Variants in PFKFB2 observed in about 807,000 individuals in gnomAD.
The protein encoded by PFKFB2 is 6-phosphofructo-2-kinase/fructose-2,6-biphosphatase 2.
A neutral mutation model predicts 68.0 loss-of-function variants in PFKFB2; 53 were observed. That is an observed-to-expected ratio of 0.78 (90% CI 0.63 to 0.98). The LOEUF (loss-of-function observed/expected upper bound fraction) is 0.98, where lower values mean the gene tolerates loss of function less well. Ranked by LOEUF, PFKFB2 falls within the 50% of genes least tolerant of loss-of-function variation. PFKFB2 has a pLI of 0.00. For synonymous variants in PFKFB2, 222 were observed against 227.6 expected, an observed-to-expected ratio of 0.98 and a Z score of 0.22; for missense variants, 451 against 642.0, an observed-to-expected ratio of 0.70 and a Z score of 3.22.
In PFKFB2 at chr1:207,070,689, A is replaced by C; in HGVS notation, c.1222+280A>C. On this transcript the variant is annotated intron_variant, in intron 12 of 14. Transcript: ENST00000367080. The surrounding 1 kb of genome is among the most constrained non-coding windows in gnomAD (Gnocchi z 4.2). ...TGCTGACACTCCTGGCAGCATCAGG[A>C]CAGTGGTTGAATATTCCCAGCCTGC... The C allele has an allele frequency of 2.7e-6, 1 of 376,374 alleles. No individual in the cohort carries two copies. Among genetic ancestry groups the C allele is most frequent in the Non-Finnish European group, 4.9e-6 (1 of 202,738 alleles). The allele number at this position is 376,374 out of a possible 1,614,324, so 23.3% of individuals were successfully genotyped here.
chr1:207,062,448 G>A, intron 3 of PFKFB2, 172 bp from the exon 4 acceptor site: 1 of 1,007,800 alleles, frequency 9.9e-7, no homozygotes, highest in Non-Finnish European at 1.5e-6. Flanking sequence ...GGTCTAGAAA[G>A]TCAGGGCTTG....
chr1:207,072,115 C>T, intron 14 of PFKFB2, 89 bp from the exon 15 acceptor site: 1 of 1,546,512 alleles, frequency 6.5e-7, no homozygotes, highest in Admixed American at 1.9e-5. Context: ...GTGAGGGAAG[C>T]TGTTGTGGTT....
intron 2 of PFKFB2, among the ~76,000 whole-genome samples, chr1:207,043,662 T>C (rs1055174008): frequency 6.6e-6 from 1 of 152,224 alleles, no homozygotes; most frequent in African/African-American, 2.4e-5. Context: ...AATGGGAATT[T>C]CAACCTTTCG....
chr1:207,058,060 C>T (rs903977562), intron 2 of PFKFB2, among the ~76,000 whole-genome samples: 3 of 152,188 alleles, frequency 2.0e-5, no homozygotes, highest in African/African-American at 7.2e-5. Flanking sequence ...ATATTGTAAG[C>T]TGTTTTCAAT....
upstream of PFKFB2, chr1:207,050,571 G>A: frequency 3.7e-6 from 5 of 1,360,100 alleles, no homozygotes; most frequent in South Asian, 2.6e-5. Flanking sequence ...CCTCGCCCCT[G>A]GCCTCAAAGC....
chr1:207,061,935 T>C lies in PFKFB2; in HGVS notation c.86-18T>C. On this transcript the variant is annotated intron_variant, in intron 2 of 14. Transcript: ENST00000367080. ...GGACTCTAGTCATTTCGTTTTATTT[T>C]GTTTCATTTCCTTCTAGCATGGGCC... 4 of 1,611,094 alleles carry C rather than the reference T, an allele frequency of 2.5e-6. No individual in the cohort carries two copies. Among genetic ancestry groups the C allele is most frequent in the Non-Finnish European group, 3.4e-6 (4 of 1,177,250 alleles).
At chr1:207,039,831 G>A (rs1682444043) in intron 1 of PFKFB2, among the ~76,000 whole-genome samples, 1 of 152,230 alleles carries the variant, frequency 6.6e-6, no homozygotes, top group African/African-American at 2.4e-5. Flanking sequence ...GGATCAAGGT[G>A]AGGATAGGTC....
At position 207,077,327 on chromosome 1, in the gene PFKFB2, T is replaced by C. The variant is rs773504906; in HGVS notation, c.*4956T>C. The stretch of plus-strand genomic sequence containing the variant: ...AAAAATGAGAAGAAAATTTGGCATT[T>C]AAAAATTGATTTTAAGGGTTGGCAA... On this transcript the variant is annotated 3_prime_UTR_variant, in exon 15 of 15. Coordinates refer to ENST00000367080, the MANE Select transcript of PFKFB2 (RefSeq NM_006212.2). The C allele has an allele frequency of 1.6e-5, 16 of 985,258 alleles. No individual in the cohort carries two copies. The highest frequency in any genetic ancestry group is 1.9e-5 in the Non-Finnish European group (16 of 829,732). 61.0% of individuals were successfully genotyped at this position (985,258 alleles called of 1,614,324 possible).
Position 207,070,394 on chromosome 1 carries a change from T to G in PFKFB2, c.1207T>G (p.Leu403Val). ...AVMRCLLAYF[L>V]DKGADELPYL... ...CATGCGCTGCCTCCTGGCCTACTTCTTGGATAAGGGCGCAGGTGCCTTTGA... is the reference window on the plus strand; with the variant it reads ...CATGCGCTGCCTCCTGGCCTACTTCGTGGATAAGGGCGCAGGTGCCTTTGA... The change falls in exon 12 of 15, where the codon TTG (leucine) becomes GTG (valine). Residue 403 changes from leucine (L) to valine (V), a missense_variant. Physicochemically the swap from Leu to Val is conservative, Grantham distance 32. Coordinates refer to ENST00000367080, the MANE Select transcript of PFKFB2 (RefSeq NM_006212.2). This position sits in a 1 kb window ranked among gnomAD's most constrained non-coding sequence, Gnocchi z 4.2. 1 of 1,613,868 alleles carries G rather than the reference T, an allele frequency of 6.2e-7. No homozygotes were observed. The highest frequency in any genetic ancestry group is 8.5e-7 in the Non-Finnish European group (1 of 1,179,960).
chr1:207,052,109 A>C, upstream of PFKFB2: 1 of 1,290,446 alleles, frequency 7.7e-7, no homozygotes, highest in Non-Finnish European at 1.1e-6. Flanking sequence ...CCACTTGCCA[A>C]GAGTGGGTTT....
At chr1:207,047,768 CAAGG>C (rs931138604) in intron 2 of PFKFB2, 1 of 152,468 alleles carries the variant, frequency 6.6e-6, no homozygotes, top group African/African-American at 2.4e-5. Flanking sequence ...CTGCATAAGG[CAAGG>C]ATTTACAATT....
upstream of PFKFB2, chr1:207,050,951 G>C (rs1430227985): frequency 1.3e-6 from 2 of 1,570,358 alleles, no homozygotes; most frequent in Middle Eastern, 1.7e-4. Flanking sequence ...TTTGGTCCCG[G>C]CAGCCTGTTG....
At chr1:207,052,758 A>AG (rs1387323995), upstream of PFKFB2, 1 of 157,914 alleles carries the variant, frequency 6.3e-6, no homozygotes, top group Admixed American at 6.2e-5. Context: ...TGATTTTCTT[A>AG]GGTCACAGCG....
chr1:207,072,248 C>T lies in PFKFB2; in HGVS notation c.1395C>T (p.Asn465=), dbSNP rs749046578. ...KNQTPVRMRR[N]SFTPLSSSNT... is the part of the protein sequence containing the mutation. Reference sequence around the variant, plus strand: ...AAACCCCTGTAAGGATGAGAAGGAACAGCTTTACGCCTCTGTCCAGTTCGA... The same window carrying T: ...AAACCCCTGTAAGGATGAGAAGGAATAGCTTTACGCCTCTGTCCAGTTCGA... The change falls in exon 15 of 15, where the codon AAC becomes AAT. Residue 465 remains asparagine, a synonymous_variant. Transcript: ENST00000367080. The T allele has an allele frequency of 3.1e-6, 5 of 1,614,192 alleles. No homozygotes were observed. The Admixed American group carries it at 6.7e-5, about 22-fold the overall frequency.
chr1:207,068,055 T>C (rs1264848813), intron 9 of PFKFB2, 108 bp from the exon 10 acceptor site: 3 of 1,025,446 alleles, frequency 2.9e-6, no homozygotes, highest in Non-Finnish European at 4.3e-6. Context: ...ACGTTGTCCC[T>C]TACAGACCAA....
chr1:207,067,272 A>G (rs1683319550), intron 8 of PFKFB2, among the ~76,000 whole-genome samples: 1 of 152,202 alleles, frequency 6.6e-6, no homozygotes, highest in African/African-American at 2.4e-5. Flanking sequence ...CACTACAGGC[A>G]CTGAGGAAAT....
chr1:207,076,713 G>T lies in PFKFB2; in HGVS notation c.*4342G>T, dbSNP rs12079709. ...ATATGTTGACCAACTGGTAGACCAGGAGGATCTGTGTGCTGATTGACTCTA... is the reference window on the plus strand; with the variant it reads ...ATATGTTGACCAACTGGTAGACCAGTAGGATCTGTGTGCTGATTGACTCTA... On this transcript the variant is annotated 3_prime_UTR_variant, in exon 15 of 15. Transcript: ENST00000367080. 0.014 allele frequency: 12,458 copies of T among 864,142 alleles called. 1,070 individuals are homozygous for T. In the African/African-American group the frequency reaches 0.21, roughly 15 times the overall value. The allele number at this position is 864,142 out of a possible 1,614,324, so 53.5% of individuals were successfully genotyped here. A position where few individuals can be genotyped will look rare whatever the true frequency, so the allele number is the denominator to read the frequency against.
intron 12 of PFKFB2, 107 bp from the exon 13 acceptor site, chr1:207,071,081 C>T: frequency 1.1e-6 from 1 of 896,668 alleles, no homozygotes; most frequent in South Asian, 1.5e-5. Flanking sequence ...AAGAGGTGGT[C>T]AAAGTAAGGG....
rs996059673 is a variant in PFKFB2 at position 207,072,555 on chromosome 1, T to C, written c.*184T>C. On this transcript the variant is annotated 3_prime_UTR_variant, in exon 15 of 15. Transcript: ENST00000367080. Reference sequence around the variant, plus strand: ...TGTGTTTATAGGACAACTTAAGCTGTTCTTCAGTTTGAAACATCTTTTCAC... The same window carrying C: ...TGTGTTTATAGGACAACTTAAGCTGCTCTTCAGTTTGAAACATCTTTTCAC... The C allele has an allele frequency of 7.4e-7, 1 of 1,348,102 alleles. No homozygotes were observed. Among genetic ancestry groups the C allele is most frequent in the African/African-American group, 1.5e-5 (1 of 67,284 alleles). The allele number at this position is 1,348,102 out of a possible 1,614,324, so 83.5% of individuals were successfully genotyped here.
Sources: allele counts gnomAD v4.1 joint callset (sites outside exome capture counted in the v4.1 genomes callset), GRCh38; gene constraint gnomAD v4.1.1; non-coding constraint Gnocchi (gnomAD v3.1); transcripts MANE v1.5; gene names NCBI Gene and HGNC (gene_info 2026-07-23, HGNC 2026-07-21).